The following NTNG1 variants were observed in gnomAD, a reference collection of about 807,000 sequenced individuals.
NTNG1 encodes the protein netrin G1.
In NTNG1, 16 loss-of-function variants were observed where a neutral mutation model predicts 54.0. The ratio of observed to expected loss-of-function variants is 0.30; its 90% CI spans 0.20 to 0.45. NTNG1 has a LOEUF of 0.45. Ranked by LOEUF, NTNG1 falls within the 20% of genes least tolerant of loss-of-function variation. The pLI, the probability that NTNG1 is intolerant of heterozygous loss-of-function variation, is 1.00. For missense variants in NTNG1, 530 were observed against 678.7 expected (o/e 0.78, Z 2.43); for synonymous variants, 255 against 263.1 (o/e 0.97, Z 0.30).
At chr1:107,356,037 A>T (rs1227156705) in intron 3 of NTNG1, among the ~76,000 whole-genome samples, 1 of 152,150 alleles carries the variant, frequency 6.6e-6, no homozygotes, top group Non-Finnish European at 1.5e-5. Context: ...CTTCATGAAA[A>T]TGTATTCACT....
chr1:107,370,492 C>A (rs1426530675), intron 3 of NTNG1, among the ~76,000 whole-genome samples: 2 of 151,898 alleles, frequency 1.3e-5, no homozygotes, highest in African/African-American at 2.4e-5. Flanking sequence ...AATTTGTAGT[C>A]TTTTATCCCT....
rs1169503482 is a variant in NTNG1 at position 107,191,142 on chromosome 1, C to T, written c.246+42303C>T. On this transcript the variant is annotated intron_variant, in intron 2 of 7. Coordinates refer to ENST00000370068, the MANE Select transcript of NTNG1 (RefSeq NM_001113226.3). ...TTCTAACCGGTGTGAGATGATATCT[C>T]ATTGTGGTTTTGATTTGCATTTCTC... Among the ~76,000 whole-genome samples, 5 of 152,220 alleles carry T rather than the reference C, an allele frequency of 3.3e-5. No individual in the cohort carries two copies. In the South Asian group the frequency reaches 1.0e-3, roughly 32 times the overall value.
chr1:107,309,030 C>G (rs11185086), intron 2 of NTNG1, among the ~76,000 whole-genome samples: 21,231 of 147,722 alleles, frequency 0.14, 2,231 homozygotes, highest in African/African-American at 0.28. Context: ...TTCTCTACTT[C>G]CAGTCAAACT....
chr1:107,249,413 C>T (rs1478932563), intron 2 of NTNG1, among the ~76,000 whole-genome samples: 3 of 145,780 alleles, frequency 2.1e-5, no homozygotes, highest in Middle Eastern at 3.4e-3. Context: ...ACCTGGGGTG[C>T]GGAGGTTGCT....
chr1:107,206,234 C>T (rs552974573), intron 2 of NTNG1, among the ~76,000 whole-genome samples: 79 of 152,252 alleles, frequency 5.2e-4, no homozygotes, highest in Non-Finnish European at 9.9e-4. Flanking sequence ...TCCCTCATTT[C>T]CCTATCCCAT....
At chr1:107,200,337 A>G (rs1185600126) in intron 2 of NTNG1, among the ~76,000 whole-genome samples, 2 of 151,898 alleles carry the variant, frequency 1.3e-5, no homozygotes, top group African/African-American at 2.4e-5. Flanking sequence ...TCTTGTTAAT[A>G]ACAAAATAAC....
chr1:107,401,812 C>G (rs867254767), intron 4 of NTNG1, among the ~76,000 whole-genome samples: 69 of 152,036 alleles, frequency 4.5e-4, no homozygotes, highest in African/African-American at 1.5e-3. Context: ...CTCCAGTTTC[C>G]TTCCCAACAG....
chr1:107,368,996 T>C (rs891996207), intron 3 of NTNG1, among the ~76,000 whole-genome samples: 19 of 152,332 alleles, frequency 1.2e-4, no homozygotes, highest in Admixed American at 1.2e-3. Flanking sequence ...GTTTTACAGA[T>C]TAGTTTGCAT....
intron 1 of NTNG1, among the ~76,000 whole-genome samples, chr1:107,146,069 A>G (rs1187788495): frequency 6.6e-6 from 1 of 152,130 alleles, no homozygotes; most frequent in Non-Finnish European, 1.5e-5. Context: ...TGGTTAAAAA[A>G]GAAAGTGAAG....
At chr1:107,449,161 CT>C (rs1676474100) in intron 7 of NTNG1, among the ~76,000 whole-genome samples, 1 of 151,786 alleles carries the variant, frequency 6.6e-6, no homozygotes, top group African/African-American at 2.4e-5. Context: ...AGTGGCTAAC[CT>C]TTGTGTCATT....
At chr1:107,245,229 G>T (rs1226928254) in intron 2 of NTNG1, among the ~76,000 whole-genome samples, 1 of 152,116 alleles carries the variant, frequency 6.6e-6, no homozygotes, top group Non-Finnish European at 1.5e-5. Flanking sequence ...AAATCCAGTG[G>T]TTGATAAATT....
At chr1:107,199,324 A>G (rs1333731944) in intron 2 of NTNG1, among the ~76,000 whole-genome samples, 5 of 89,706 alleles carry the variant, frequency 5.6e-5, no homozygotes, top group Non-Finnish European at 1.2e-4. Context: ...CACATTACAT[A>G]TGTTGTATTT....
intron 2 of NTNG1, among the ~76,000 whole-genome samples, chr1:107,196,897 A>T (rs1254951561): frequency 8.6e-5 from 13 of 151,906 alleles, no homozygotes; most frequent in Admixed American, 2.6e-4. Context: ...TTTCTATAAT[A>T]GTGTCAGACT....
At chr1:107,397,097 C>T (rs961451683) in intron 4 of NTNG1, among the ~76,000 whole-genome samples, 1 of 152,156 alleles carries the variant, frequency 6.6e-6, no homozygotes, top group Non-Finnish European at 1.5e-5. Flanking sequence ...TGAAGATCAC[C>T]AAGTCACTTT....
At chr1:107,298,525 A>G (rs1303456417) in intron 2 of NTNG1, among the ~76,000 whole-genome samples, 3 of 152,208 alleles carry the variant, frequency 2.0e-5, no homozygotes, top group Non-Finnish European at 4.4e-5. Context: ...ATTCACACAT[A>G]CAGTTAAAGT....
At chr1:107,353,040 A>G (rs77116771) in intron 3 of NTNG1, among the ~76,000 whole-genome samples, 2,648 of 152,344 alleles carry the variant, frequency 0.017, 70 homozygotes, top group African/African-American at 0.057. Context: ...CTGCCATGAA[A>G]GTCTCTGAAA....
At chr1:107,281,692 T>C (rs1396404506) in intron 2 of NTNG1, among the ~76,000 whole-genome samples, 3 of 151,590 alleles carry the variant, frequency 2.0e-5, no homozygotes, top group East Asian at 1.9e-4. Flanking sequence ...AATATATATA[T>C]ACACACACAC....
chr1:107,294,261 AT>A (rs1665804854), intron 2 of NTNG1, among the ~76,000 whole-genome samples: 1 of 152,158 alleles, frequency 6.6e-6, no homozygotes, highest in African/African-American at 2.4e-5. Flanking sequence ...AAGTGCTTGA[AT>A]TTTTAATAAA....
chr1:107,360,090 GC>G (rs1670175518), intron 3 of NTNG1, among the ~76,000 whole-genome samples: 1 of 152,148 alleles, frequency 6.6e-6, no homozygotes, highest in Admixed American at 6.5e-5. Flanking sequence ...CTGCTTACCT[GC>G]CTGACAACCG....
Sources: gnomAD v4.1 joint callset for allele counts (sites outside exome capture counted in the v4.1 genomes callset) on GRCh38, gnomAD v4.1.1 for gene constraint, MANE v1.5 for transcripts, NCBI Gene and HGNC (gene_info 2026-07-23, HGNC 2026-07-21) for gene names.